CLMN: variants seen among roughly 807,000 people sequenced by gnomAD.
CLMN encodes the protein calmin (calponin-like, transmembrane).
CLMN carries 57 observed loss-of-function variants against 92.7 expected under a neutral mutation model. That is an observed-to-expected ratio of 0.61 (90% confidence interval 0.50 to 0.77). The LOEUF (loss-of-function observed/expected upper bound fraction) is 0.77. CLMN is among the 30% of genes least tolerant of loss of function. CLMN has a pLI of 0.00. For synonymous variants in CLMN, 466 were observed against 470.6 expected, an observed-to-expected ratio of 0.99 and a Z score of 0.13; for missense variants, 1,158 against 1,237.5, an observed-to-expected ratio of 0.94 and a Z score of 0.96.
chr14:95,245,253 TAATATATA>T (rs1210686361), intron 1 of CLMN, among the ~76,000 whole-genome samples: 3 of 29,894 alleles, frequency 1.0e-4, no homozygotes, highest in African/African-American at 5.2e-4. Context: ...TATATATATA[TAATATATA>T]TATATATATT....
chr14:95,278,838 G>T (rs1900034653), intron 1 of CLMN, among the ~76,000 whole-genome samples: 1 of 152,112 alleles, frequency 6.6e-6, no homozygotes, highest in South Asian at 2.1e-4. Flanking sequence ...GGGATGTGCT[G>T]ATTCCCTTTT....
chr14:95,251,887 T>C (rs1898801338), intron 1 of CLMN, among the ~76,000 whole-genome samples: 1 of 152,178 alleles, frequency 6.6e-6, no homozygotes, highest in Non-Finnish European at 1.5e-5. Context: ...GGTTCTAAAC[T>C]TGGGTCCAAG....
intron 1 of CLMN, among the ~76,000 whole-genome samples, chr14:95,318,380 G>C (rs372189419): frequency 6.6e-6 from 1 of 152,092 alleles, no homozygotes; most frequent in Non-Finnish European, 1.5e-5. Flanking sequence ...AGATCAGAGC[G>C]GCCCAGAGCA....
At position 95,294,466 on chromosome 14, in the gene CLMN, G is replaced by A. The variant is rs144121946; in HGVS notation, c.82+25245C>T. Among the ~76,000 whole-genome samples, 611 of 152,304 alleles carry A rather than the reference G, an allele frequency of 4.0e-3. 3 individuals carry two copies. Among genetic ancestry groups the A allele is most frequent in the African/African-American group, 1.0e-2 (414 of 41,558 alleles). ...ACCCAGTCTGGGCCAAGAGGCATCC[G>A]CGGGGAAGGATCCTGTCCAACAGAA... is the stretch of plus-strand genomic sequence containing the variant. On this transcript the variant is annotated intron_variant, in intron 1 of 12. Coordinates refer to ENST00000298912, the MANE Select transcript of CLMN (RefSeq NM_024734.4). The surrounding 1 kb of genome is among the most constrained non-coding windows in gnomAD (Gnocchi z 4.2).
At position 95,194,254 on chromosome 14, in the gene CLMN, T is replaced by C; in HGVS notation, c.2769+282A>G. On this transcript the variant is annotated intron_variant, in intron 11 of 12. Transcript: ENST00000298912. This position sits in a 1 kb window ranked among gnomAD's most constrained non-coding sequence, Gnocchi z 4.0. ...CACCTCTGTCTCTGAACGTGATCCT[T>C]CTGGGTGCGCGCGGGGTCCAGGTGA... 7.2e-7 allele frequency: 1 copy of C among 1,388,978 alleles called. No homozygotes were observed. The highest frequency in any genetic ancestry group is 9.3e-7 in the Non-Finnish European group (1 of 1,077,426). The allele number at this position is 1,388,978 out of a possible 1,614,324, so 86.0% of individuals were successfully genotyped here.
At chr14:95,198,426 C>G (rs2140565648) in intron 9 of CLMN, among the ~76,000 whole-genome samples, 1 of 151,972 alleles carries the variant, frequency 6.6e-6, no homozygotes, top group East Asian at 1.9e-4. Context: ...GGACCCAAGA[C>G]TCCCAGACCT....
intron 1 of CLMN, among the ~76,000 whole-genome samples, chr14:95,261,823 C>T (rs1257937686): frequency 2.0e-5 from 3 of 152,246 alleles, no homozygotes; most frequent in Non-Finnish European, 4.4e-5. Context: ...CCCATGCCCC[C>T]CTGCAGCAAG....
chr14:95,236,242 G>C (rs1009722530), intron 1 of CLMN, among the ~76,000 whole-genome samples: 4 of 152,236 alleles, frequency 2.6e-5, no homozygotes, highest in Non-Finnish European at 4.4e-5. Flanking sequence ...CTGAGGTGCT[G>C]TGTGGTGCAC....
At chr14:95,250,045 T>C (rs1224057539) in intron 1 of CLMN, among the ~76,000 whole-genome samples, 1 of 150,298 alleles carries the variant, frequency 6.7e-6, no homozygotes, top group Admixed American at 6.6e-5. Flanking sequence ...TAATCTGCCT[T>C]CCCAAAACAA....
At chr14:95,239,872 T>C (rs1898185604) in intron 1 of CLMN, among the ~76,000 whole-genome samples, 1 of 152,250 alleles carries the variant, frequency 6.6e-6, no homozygotes, top group African/African-American at 2.4e-5. Flanking sequence ...ATGGACCACA[T>C]ACACAATGGT....
chr14:95,293,161 C>G (rs1236836953), intron 1 of CLMN, among the ~76,000 whole-genome samples: 1 of 117,206 alleles, frequency 8.5e-6, no homozygotes, highest in Non-Finnish European at 1.8e-5. Context: ...CCCTCCTTCC[C>G]TCTCTCCTTC....
chr14:95,271,591 A>G (rs1329018322), intron 1 of CLMN, among the ~76,000 whole-genome samples: 1 of 152,264 alleles, frequency 6.6e-6, no homozygotes, highest in African/African-American at 2.4e-5. Flanking sequence ...GCAGGTTTAA[A>G]TAAAGTAAAA....
chr14:95,205,672 TTA>T lies in CLMN; in HGVS notation c.886-1211_886-1210del, dbSNP rs1453448403. 1.1e-4 allele frequency among the ~76,000 whole-genome samples: 16 copies of T among 152,172 alleles called. No homozygotes were observed. In the South Asian group the frequency reaches 1.4e-3, roughly 14 times the overall value. Reference sequence around the variant, plus strand: ...CAAAAGTAATGGAGATGAAGTAAAATTATATATGTGATATATATAAAATATAT... The same window carrying T: ...CAAAAGTAATGGAGATGAAGTAAAATTATATGTGATATATATAAAATATAT... On this transcript the variant is annotated intron_variant, in intron 8 of 12. Coordinates refer to ENST00000298912, the MANE Select transcript of CLMN (RefSeq NM_024734.4).
intron 1 of CLMN, among the ~76,000 whole-genome samples, chr14:95,247,199 G>T (rs1179647099): frequency 1.3e-5 from 2 of 152,146 alleles, no homozygotes; most frequent in Non-Finnish European, 2.9e-5. Context: ...TTCTGACCTG[G>T]AATGAAGTCC....
chr14:95,182,224 C>CA lies in CLMN; in HGVS notation c.*9339dup, dbSNP rs1267896840. 6.6e-6 allele frequency: 1 copy of CA among 152,100 alleles called. No individual in the cohort carries two copies. Among genetic ancestry groups the CA allele is most frequent in the Non-Finnish European group, 1.5e-5 (1 of 68,014 alleles). The allele number at this position is 152,100 out of a possible 1,614,324, so 9.4% of individuals were successfully genotyped here. A position where few individuals can be genotyped will look rare whatever the true frequency, so the allele number is the denominator to read the frequency against. On this transcript the variant is annotated 3_prime_UTR_variant, in exon 13 of 13. Transcript: ENST00000298912. The stretch of plus-strand genomic sequence containing the variant: ...ATAGACAAAAATAATCCTTGTACTA[C>CA]AAAATAACATTTCATTTTCCTCAAT...
At chr14:95,214,322 T>TA (rs1345548685) in intron 5 of CLMN, among the ~76,000 whole-genome samples, 1 of 150,284 alleles carries the variant, frequency 6.7e-6, no homozygotes, top group Non-Finnish European at 1.5e-5. Flanking sequence ...AGCATATGTA[T>TA]AACACATGGT....
At chr14:95,255,452 C>T (rs183511051) in intron 1 of CLMN, among the ~76,000 whole-genome samples, 61 of 152,286 alleles carry the variant, frequency 4.0e-4, no homozygotes, top group Admixed American at 9.2e-4. Context: ...TAATCTCTCA[C>T]TGTGCCTAAT....
chr14:95,240,715 T>C (rs1233561828), intron 1 of CLMN, among the ~76,000 whole-genome samples: 1 of 152,104 alleles, frequency 6.6e-6, no homozygotes, highest in Admixed American at 6.5e-5. Flanking sequence ...AGGGAGGAAA[T>C]CAACCTTTAT....
intron 1 of CLMN, among the ~76,000 whole-genome samples, chr14:95,231,093 C>T (rs1378023912): frequency 2.0e-5 from 3 of 152,100 alleles, no homozygotes; most frequent in Non-Finnish European, 4.4e-5. Context: ...TACTGGTCCG[C>T]GCCTGTTAGG....
Sources: gnomAD v4.1 joint callset for allele counts (sites outside exome capture counted in the v4.1 genomes callset) on GRCh38, gnomAD v4.1.1 for gene constraint, Gnocchi (gnomAD v3.1) non-coding constraint, MANE v1.5 for transcripts, NCBI Gene and HGNC (gene_info 2026-07-23, HGNC 2026-07-21) for gene names.